The following PAX2 variants were observed in gnomAD, a reference collection of about 807,000 sequenced individuals.
The protein encoded by PAX2 is paired box 2.
Under a neutral mutation model 41.7 loss-of-function variants are expected in PAX2, and 9 were observed. The ratio of observed to expected loss-of-function variants is 0.22; its 90% CI spans 0.13 to 0.38. The LOEUF (loss-of-function observed/expected upper bound fraction) is 0.38, where lower values mean the gene tolerates loss of function less well. Among genes scored for constraint, PAX2 ranks in the 10% least tolerant of loss-of-function variants. The pLI is 1.00. For synonymous variants in PAX2, 221 were observed against 212.7 expected (o/e 1.04, Z -0.34); for missense variants, 418 against 531.6 (o/e 0.79, Z 2.10).
At chr10:100,800,043 C>T (rs970712667) in intron 5 of PAX2, among the ~76,000 whole-genome samples, 4 of 151,930 alleles carry the variant, frequency 2.6e-5, no homozygotes, top group African/African-American at 7.3e-5. Context: ...CCTCAAGCCT[C>T]CCAAGGTGCT....
chr10:100,824,889 T>G lies in PAX2; in HGVS notation c.1021+140T>G. 6.2e-7 allele frequency: 1 copy of G among 1,611,234 alleles called. No individual in the cohort carries two copies. Among genetic ancestry groups the G allele is most frequent in the Non-Finnish European group, 8.5e-7 (1 of 1,177,430 alleles). On this transcript the variant is annotated intron_variant, in intron 8 of 9. Transcript: ENST00000355243. This position sits in a 1 kb window ranked among gnomAD's most constrained non-coding sequence, Gnocchi z 6.6. ...CTGCAAACCACTGCTATTCTGTCCC[T>G]CTCTCTCCTTAGAGGCTGCAGTTGG...
chr10:100,808,474 T>G (rs951091260), intron 6 of PAX2, among the ~76,000 whole-genome samples: 3 of 152,182 alleles, frequency 2.0e-5, no homozygotes, highest in African/African-American at 7.2e-5. Context: ...GGGGTCTGGC[T>G]TGGCCGTGGC....
chr10:100,736,244 C>T lies in PAX2; in HGVS notation c.25+511C>T, dbSNP rs532910715. 3.3e-5 allele frequency among the ~76,000 whole-genome samples: 5 copies of T among 152,256 alleles called. No homozygotes were observed. The South Asian group carries it at 6.2e-4, about 19-fold the overall frequency. ...GGGAGAAGGCTGTGTCCCCCCAACC[C>T]CAAATCAAGGGCAGCATGGGGACAG... On this transcript the variant is annotated intron_variant, in intron 1 of 9. Transcript: ENST00000679374.
At chr10:100,776,607 C>A (rs17113442) in intron 3 of PAX2, among the ~76,000 whole-genome samples, 1 of 152,216 alleles carries the variant, frequency 6.6e-6, no homozygotes, top group Non-Finnish European at 1.5e-5. Context: ...CGGTCCCTGA[C>A]AGTCTCCTAA....
At chr10:100,741,991 A>G (rs906663177), upstream of PAX2, among the ~76,000 whole-genome samples, 2 of 152,046 alleles carry the variant, frequency 1.3e-5, no homozygotes, top group South Asian at 4.1e-4. Context: ...GCCACGGGGG[A>G]GGGGCGCGGC....
At chr10:100,798,629 C>T (rs981547796) in intron 5 of PAX2, among the ~76,000 whole-genome samples, 3 of 152,046 alleles carry the variant, frequency 2.0e-5, no homozygotes, top group Admixed American at 1.3e-4. Context: ...CGGAATCCCA[C>T]TTTCCCCTCA....
At chr10:100,774,405 G>C (rs534272109) in intron 3 of PAX2, among the ~76,000 whole-genome samples, 2 of 152,208 alleles carry the variant, frequency 1.3e-5, no homozygotes, top group Middle Eastern at 3.4e-3. Context: ...CCCTAGTGGG[G>C]CTTGGTCCAG....
chr10:100,765,784 A>AACAC (rs34862474), intron 3 of PAX2, among the ~76,000 whole-genome samples: 9 of 151,132 alleles, frequency 6.0e-5, no homozygotes, highest in Admixed American at 2.0e-4. Flanking sequence ...CTCTGCTTAA[A>AACAC]ACACACACAC....
Position 100,745,797 on chromosome 10 carries a change from C to G in PAX2, c.-464C>G. 9.3e-7 allele frequency: 1 copy of G among 1,073,242 alleles called. No individual in the cohort carries two copies. The allele number at this position is 1,073,242 out of a possible 1,614,324, so 66.5% of individuals were successfully genotyped here. On this transcript the variant is annotated 5_prime_UTR_variant, in exon 1 of 10. Coordinates refer to ENST00000355243, the MANE Select transcript of PAX2 (RefSeq NM_000278.5). ...TACTTCTCTGCCAACTTCGCCAACT[C>G]GCCAGCACTTGGAGAGGCCCGGCTC... is the stretch of plus-strand genomic sequence containing the variant.
rs759949337 is a variant in PAX2, at chr10:100,824,616, G to A, written c.920-32G>A. 4.9e-6 allele frequency: 7 copies of A among 1,423,206 alleles called. 1 individual carries two copies. In the South Asian group the frequency reaches 8.0e-5, roughly 16 times the overall value. The allele number at this position is 1,423,206 out of a possible 1,614,324, so 88.2% of individuals were successfully genotyped here. On this transcript the variant is annotated intron_variant, in intron 7 of 9. Coordinates refer to ENST00000355243, the MANE Select transcript of PAX2 (RefSeq NM_000278.5). The surrounding 1 kb of genome is among the most constrained non-coding windows in gnomAD (Gnocchi z 6.6). Reference sequence around the variant, plus strand: ...AGTAGAGGCAGGCCCCTTTCTTCCAGGCCTCACCCCTTCCCCTTTGTGTTT... The same window carrying A: ...AGTAGAGGCAGGCCCCTTTCTTCCAAGCCTCACCCCTTCCCCTTTGTGTTT...
At position 100,748,252 on chromosome 10, in the gene PAX2, C is replaced by A; in HGVS notation, c.44-1494C>A. The A allele has an allele frequency of 1.0e-6, 1 of 985,094 alleles. No homozygotes were observed. The highest frequency in any genetic ancestry group is 1.2e-6 in the Non-Finnish European group (1 of 829,852). 61.0% of individuals were successfully genotyped at this position (985,094 alleles called of 1,614,324 possible). On this transcript the variant is annotated intron_variant, in intron 1 of 9. Transcript: ENST00000355243. The surrounding 1 kb of genome is among the most constrained non-coding windows in gnomAD (Gnocchi z 5.0). The stretch of plus-strand genomic sequence containing the variant: ...TTTCATACCGGTAACGCGAGTTCTC[C>A]CGGGGCCTAAATTATTGATGGTCGG...
chr10:100,793,609 C>T (rs568949098), intron 5 of PAX2, among the ~76,000 whole-genome samples: 22 of 152,302 alleles, frequency 1.4e-4, no homozygotes, highest in Admixed American at 7.8e-4. Context: ...TACAATTCCC[C>T]GGGGTTCTAG....
At position 100,827,899 on chromosome 10, in the gene PAX2, T is replaced by A; in HGVS notation, c.*280T>A. 2.2e-6 allele frequency: 1 copy of A among 451,478 alleles called. No individual in the cohort carries two copies. Among genetic ancestry groups the A allele is most frequent in the Non-Finnish European group, 3.9e-6 (1 of 255,298 alleles). 28.0% of individuals were successfully genotyped at this position (451,478 alleles called of 1,614,324 possible). A position where few individuals can be genotyped will look rare whatever the true frequency, so the allele number is the denominator to read the frequency against. On this transcript the variant is annotated 3_prime_UTR_variant, in exon 10 of 10. Transcript: ENST00000355243. This position sits in a 1 kb window ranked among gnomAD's most constrained non-coding sequence, Gnocchi z 8.5. ...CGCCTGCCTGGACTGCGCGGCGCCG[T>A]GAGGGGGATTCGGCCCAGCTCGTCC...
intron 1 of PAX2, among the ~76,000 whole-genome samples, chr10:100,737,238 C>T (rs1244043696): frequency 1.3e-5 from 2 of 152,230 alleles, no homozygotes; most frequent in Admixed American, 6.5e-5. Context: ...CATCTAGGCC[C>T]CCTCCCCAGG....
intron 5 of PAX2, among the ~76,000 whole-genome samples, chr10:100,782,164 G>C: frequency 6.6e-6 from 1 of 152,188 alleles, no homozygotes; most frequent in Non-Finnish European, 1.5e-5. Context: ...TCTCCGGCCT[G>C]CGTCCTGCCC....
rs143964393 is a variant in PAX2 at position 100,764,431 on chromosome 10, C to T, written c.410+13540C>T. Among the ~76,000 whole-genome samples, 337 of 152,248 alleles carry T rather than the reference C, an allele frequency of 2.2e-3. 3 individuals carry two copies. Among genetic ancestry groups the T allele is most frequent in the African/African-American group, 7.7e-3 (321 of 41,534 alleles). On this transcript the variant is annotated intron_variant, in intron 3 of 9. Transcript: ENST00000355243. ...TGCTGGGATTACAGGCGTCAGCCAC[C>T]GTGGCCGGCCTGAAATATTTTTAAA...
At chr10:100,758,141 TTC>T (rs1845702808) in intron 3 of PAX2, among the ~76,000 whole-genome samples, 1 of 144,724 alleles carries the variant, frequency 6.9e-6, no homozygotes, top group Non-Finnish European at 1.5e-5. Context: ...TCAGGTGCCA[TTC>T]TTTTTTTTTT....
rs762032176 is a variant in PAX2 at position 100,827,651 on chromosome 10, G to T, written c.*32G>T. The T allele has an allele frequency of 1.2e-5, 19 of 1,613,724 alleles. No individual in the cohort carries two copies. The highest frequency in any genetic ancestry group is 1.1e-5 in the Non-Finnish European group (13 of 1,179,870). On this transcript the variant is annotated 3_prime_UTR_variant, in exon 10 of 10. Coordinates refer to ENST00000355243, the MANE Select transcript of PAX2 (RefSeq NM_000278.5). This position sits in a 1 kb window ranked among gnomAD's most constrained non-coding sequence, Gnocchi z 8.5. ...CGGGGACCACATCAAGCTTCAGGCC[G>T]ACAGCTTCGGCCTCCACATCGTCCC... is the stretch of plus-strand genomic sequence containing the variant.
intron 3 of PAX2, among the ~76,000 whole-genome samples, chr10:100,766,197 T>A (rs147918938): frequency 0.011 from 1,708 of 152,326 alleles, 26 homozygotes; most frequent in Non-Finnish European, 0.016. Flanking sequence ...ATATCTACTT[T>A]GGATCAAGGG....
Sources: gnomAD v4.1 joint callset for allele counts (sites outside exome capture counted in the v4.1 genomes callset) on GRCh38, gnomAD v4.1.1 for gene constraint, Gnocchi (gnomAD v3.1) non-coding constraint, MANE v1.5 for transcripts, NCBI Gene and HGNC (gene_info 2026-07-23, HGNC 2026-07-21) for gene names.